EHD3: variants seen among roughly 807,000 people sequenced by gnomAD.
EHD3 encodes EH domain containing 3, also known as EH domain-containing protein 3.
In EHD3, 17 loss-of-function variants were observed where a neutral mutation model predicts 43.0. The observed-to-expected ratio is 0.40, with a 90% CI of 0.27 to 0.59. The LOEUF (loss-of-function observed/expected upper bound fraction) is 0.59. Among genes scored for constraint, EHD3 ranks in the 20% least tolerant of loss-of-function variants. The pLI is 0.49. For synonymous variants in EHD3, 313 were observed against 289.5 expected, an observed-to-expected ratio of 1.08 and a Z score of -0.82; for missense variants, 594 against 705.6, an observed-to-expected ratio of 0.84 and a Z score of 1.79.
chr2:31,253,124 A>G (rs1246974277), intron 3 of EHD3, among the ~76,000 whole-genome samples: 3 of 75,686 alleles, frequency 4.0e-5, no homozygotes, highest in African/African-American at 1.5e-4. Flanking sequence ...CACCTCCCCC[A>G]CCCTCCCCCA....
At chr2:31,249,298 A>G (rs907629559) in intron 2 of EHD3, 73 bp from the exon 3 acceptor site, 5 of 1,339,814 alleles carry the variant, frequency 3.7e-6, no homozygotes, top group Non-Finnish European at 5.3e-6. Flanking sequence ...GAGACAAGAC[A>G]GGTGGTTGGA....
In EHD3 at chr2:31,252,978, A is replaced by G. The variant is rs979328485; in HGVS notation, c.502+3510A>G. On this transcript the variant is annotated intron_variant, in intron 3 of 5. Coordinates refer to ENST00000322054, the MANE Select transcript of EHD3 (RefSeq NM_014600.3). ...CTCAGCACCCTGAGGAGACCAGGAC[A>G]GTTGGGGGAAGGGCGTCAGACACCC... is the stretch of plus-strand genomic sequence containing the variant. Among the ~76,000 whole-genome samples the G allele has an allele frequency of 4.6e-5, 7 of 152,154 alleles. No homozygotes were observed. In the South Asian group the frequency reaches 1.0e-3, roughly 23 times the overall value.
intron 2 of EHD3, among the ~76,000 whole-genome samples, chr2:31,244,942 T>A (rs1182565531): frequency 1.3e-5 from 2 of 152,180 alleles, no homozygotes; most frequent in African/African-American, 4.8e-5. Context: ...ACAGGTCACC[T>A]CTCTTCCCCC....
At chr2:31,244,010 C>T (rs1377634724) in intron 1 of EHD3, among the ~76,000 whole-genome samples, 2 of 152,044 alleles carry the variant, frequency 1.3e-5, no homozygotes, top group African/African-American at 4.8e-5. Flanking sequence ...GCTCCTTCTA[C>T]CCCCGCCCAC....
chr2:31,236,773 G>C (rs549341766), intron 1 of EHD3, among the ~76,000 whole-genome samples: 3 of 152,202 alleles, frequency 2.0e-5, no homozygotes, highest in Non-Finnish European at 2.9e-5. Context: ...CTCGGCTATA[G>C]GAGGTTCCCA....
At chr2:31,253,462 A>G (rs1683679705) in intron 3 of EHD3, among the ~76,000 whole-genome samples, 1 of 152,216 alleles carries the variant, frequency 6.6e-6, no homozygotes. Flanking sequence ...GAGGGCATCT[A>G]GAACCTGAAA....
At chr2:31,263,515 G>A (rs979964623) in intron 5 of EHD3, among the ~76,000 whole-genome samples, 8 of 152,184 alleles carry the variant, frequency 5.3e-5, no homozygotes, top group Admixed American at 4.6e-4. Flanking sequence ...CTGCATGGGA[G>A]CCCACCAAAC....
Position 31,267,981 on chromosome 2 carries a change from T to C in EHD3, c.*1277T>C, listed in dbSNP as rs1208094852. On this transcript the variant is annotated 3_prime_UTR_variant, in exon 6 of 6. Coordinates refer to ENST00000322054, the MANE Select transcript of EHD3 (RefSeq NM_014600.3). The stretch of plus-strand genomic sequence containing the variant: ...GGGCTAGCCTGCTGGATGCTGTTCG[T>C]GCCTGTCCCTGCTCTGCCTCCCACC... The C allele has an allele frequency of 6.6e-6, 1 of 152,644 alleles. No homozygotes were observed. Among genetic ancestry groups the C allele is most frequent in the Non-Finnish European group, 1.5e-5 (1 of 68,088 alleles). 9.5% of individuals were successfully genotyped at this position (152,644 alleles called of 1,614,324 possible). A position where few individuals can be genotyped will look rare whatever the true frequency, so the allele number is the denominator to read the frequency against.
At position 31,234,256 on chromosome 2, in the gene EHD3, A is replaced by C. The variant is rs1683279540; in HGVS notation, c.-366A>C. 1 of 304,988 alleles carries C rather than the reference A, an allele frequency of 3.3e-6. No homozygotes were observed. The highest frequency in any genetic ancestry group is 6.3e-6 in the Non-Finnish European group (1 of 159,450). The allele number at this position is 304,988 out of a possible 1,614,324, so 18.9% of individuals were successfully genotyped here. The stretch of plus-strand genomic sequence containing the variant: ...AGCCGAAGCATCCCTTGCTGCACGC[A>C]GGGCAGAGCAGGCGAGGGCTGGGGG... On this transcript the variant is annotated 5_prime_UTR_variant, in exon 1 of 6. Coordinates refer to ENST00000322054, the MANE Select transcript of EHD3 (RefSeq NM_014600.3).
At chr2:31,240,695 G>A (rs1016312554) in intron 1 of EHD3, among the ~76,000 whole-genome samples, 1 of 152,196 alleles carries the variant, frequency 6.6e-6, no homozygotes, top group Non-Finnish European at 1.5e-5. Flanking sequence ...AGAACACCAC[G>A]TCCCTCTCAG....
rs1311928343 is a variant in EHD3, at chr2:31,261,659, C to G, written c.1026C>G (p.Ile342Met). ...ACCTGGCCGAGATCTATGGCCGGATCGAGCGGGAGCACCAGATCTCACCTG... is the reference window on the plus strand; with the variant it reads ...ACCTGGCCGAGATCTATGGCCGGATGGAGCGGGAGCACCAGATCTCACCTG... ...VNNLAEIYGR[I>M]EREHQISPGD... Residue 342 changes from isoleucine to methionine, a missense_variant, in exon 5 of 6, where the codon ATC becomes ATG. Physicochemically the swap from Ile to Met is conservative, Grantham distance 10. This residue lies in a region of EHD3 where 322 missense variants were observed against 348.0 expected (regional missense o/e 0.93). Transcript: ENST00000322054. 4 of 1,614,208 alleles carry G rather than the reference C, an allele frequency of 2.5e-6. No individual in the cohort carries two copies. The highest frequency in any genetic ancestry group is 2.5e-6 in the Non-Finnish European group (3 of 1,180,032).
rs547831229 is a variant in EHD3, at chr2:31,260,004, T to C, written c.503-506T>C. Among the ~76,000 whole-genome samples, 91 of 152,220 alleles carry C rather than the reference T, an allele frequency of 6.0e-4. No homozygotes were observed. The highest frequency in any genetic ancestry group is 2.1e-3 in the African/African-American group (89 of 41,546). On this transcript the variant is annotated intron_variant, in intron 3 of 5. Coordinates refer to ENST00000322054, the MANE Select transcript of EHD3 (RefSeq NM_014600.3). This position sits in a 1 kb window ranked among gnomAD's most constrained non-coding sequence, Gnocchi z 4.6. ...TCACCTGAGGTCAGGAGTTCAAGAC[T>C]CAGCCTGGCTAACATGGTTAAACCT...
intron 3 of EHD3, among the ~76,000 whole-genome samples, chr2:31,255,941 A>C (rs1208987868): frequency 6.6e-6 from 1 of 152,178 alleles, no homozygotes; most frequent in African/African-American, 2.4e-5. Flanking sequence ...TGTGCCTGCA[A>C]AGGGTCCCTT....
rs568608087 is a variant in EHD3 at position 31,252,910 on chromosome 2, C to A, written c.502+3442C>A. On this transcript the variant is annotated intron_variant, in intron 3 of 5. Coordinates refer to ENST00000322054, the MANE Select transcript of EHD3 (RefSeq NM_014600.3). ...TGGCAAAAGCAGCCTGCGTTAAAAA[C>A]AAGAGCTAGAACTGGGCTGCTGGCG... is the stretch of plus-strand genomic sequence containing the variant. Among the ~76,000 whole-genome samples, 12 of 152,278 alleles carry A rather than the reference C, an allele frequency of 7.9e-5. No individual in the cohort carries two copies. In the East Asian group the frequency reaches 2.1e-3, roughly 27 times the overall value.
Position 31,260,644 on chromosome 2 carries a change from A to G in EHD3, c.637A>G (p.Lys213Glu), listed in dbSNP as rs1683833713. 9 of 1,614,094 alleles carry G rather than the reference A, an allele frequency of 5.6e-6. No individual in the cohort carries two copies. The highest frequency in any genetic ancestry group is 7.6e-6 in the Non-Finnish European group (9 of 1,180,038). ...VIKALKNHED[K>E]MRVVLNKADQ... ...CAAAGCCCTCAAGAACCACGAGGACAAGATGCGAGTGGTGCTGAACAAAGC... is the reference window on the plus strand; with the variant it reads ...CAAAGCCCTCAAGAACCACGAGGACGAGATGCGAGTGGTGCTGAACAAAGC... Residue 213 changes from lysine to glutamate, a missense_variant, in exon 4 of 6, where the codon AAG (lysine) becomes GAG (glutamate). Physicochemically the swap from Lys to Glu is moderately conservative, Grantham distance 56. This residue lies in a region of EHD3 where 243 missense variants were observed against 296.7 expected (regional missense o/e 0.82). Transcript: ENST00000322054. This position sits in a 1 kb window ranked among gnomAD's most constrained non-coding sequence, Gnocchi z 4.6.
intron 5 of EHD3, among the ~76,000 whole-genome samples, chr2:31,263,261 T>G (rs1332518887): frequency 6.6e-6 from 1 of 152,238 alleles, no homozygotes; most frequent in Non-Finnish European, 1.5e-5. Flanking sequence ...CTGCTTTTGT[T>G]AAGAATTTAA....
Position 31,249,465 on chromosome 2 carries a change from C to A in EHD3, c.499C>A (p.Arg167=). ...ILSGEKQRIS[R]GYDFAAVLEW... ...CTCTGGGGAGAAGCAGAGGATCAGC[C>A]GGGGTAAGCAACCTGCCTGAGGGGT... The change falls in exon 3 of 6, where the codon CGG becomes AGG. Residue 167 remains arginine (R), a synonymous_variant. Coordinates refer to ENST00000322054, the MANE Select transcript of EHD3 (RefSeq NM_014600.3). 1 of 1,613,978 alleles carries A rather than the reference C, an allele frequency of 6.2e-7. No homozygotes were observed. Among genetic ancestry groups the A allele is most frequent in the South Asian group, 1.1e-5 (1 of 91,070 alleles).
intron 3 of EHD3, among the ~76,000 whole-genome samples, chr2:31,251,866 C>T (rs572479421): frequency 3.9e-5 from 6 of 152,302 alleles, no homozygotes; most frequent in African/African-American, 1.4e-4. Context: ...TCTCCTAACC[C>T]ACCTATTCCC....
At chr2:31,243,683 T>G (rs900782171) in intron 1 of EHD3, among the ~76,000 whole-genome samples, 7 of 152,066 alleles carry the variant, frequency 4.6e-5, no homozygotes, top group Admixed American at 2.6e-4. Context: ...CTTGAACTCC[T>G]GACCTTGTGA....
Sources: gnomAD v4.1 joint callset for allele counts (sites outside exome capture counted in the v4.1 genomes callset) on GRCh38, gnomAD v4.1.1 for gene constraint, gnomAD v4.1.1 regional missense constraint, Gnocchi (gnomAD v3.1) non-coding constraint, MANE v1.5 for transcripts, NCBI Gene and HGNC (gene_info 2026-07-23, HGNC 2026-07-21) for gene names.